POLN: variants seen among roughly 807,000 people sequenced by gnomAD.
POLN encodes the protein DNA polymerase N.
In POLN, 108 loss-of-function variants were observed where a neutral mutation model predicts 113.5. The ratio of observed to expected loss-of-function variants is 0.95; its 90% CI spans 0.81 to 1.12. The LOEUF (loss-of-function observed/expected upper bound fraction) is 1.12, where lower values mean the gene tolerates loss of function less well. Among genes scored for constraint, POLN ranks in the 50% most tolerant of loss-of-function variants. The pLI is 0.00. For synonymous variants in POLN, 386 were observed against 391.5 expected (o/e 0.99, Z 0.17); for missense variants, 1,097 against 1,077.1 (o/e 1.02, Z -0.26).
chr4:2,182,732 A>G (rs1733174166), intron 7 of POLN, among the ~76,000 whole-genome samples: 1 of 152,152 alleles, frequency 6.6e-6, no homozygotes, highest in Admixed American at 6.6e-5. Flanking sequence ...AAAAATGAGT[A>G]AATCTTTCTG....
intron 19 of POLN, among the ~76,000 whole-genome samples, chr4:2,109,334 T>C (rs975630110): frequency 6.6e-6 from 1 of 152,192 alleles, no homozygotes; most frequent in Non-Finnish European, 1.5e-5. Context: ...TGTTTAACAA[T>C]GCAGACAGCC....
At chr4:2,073,131 T>C in intron 24 of POLN, 102 bp from the exon 25 acceptor site, 14 of 1,110,218 alleles carry the variant, frequency 1.3e-5, no homozygotes, top group Non-Finnish European at 1.9e-5. Context: ...CCCCGGCCCC[T>C]GAGCCCCCTT....
intron 13 of POLN, among the ~76,000 whole-genome samples, chr4:2,166,369 T>TAGAA (rs1732728440): frequency 6.6e-6 from 1 of 152,228 alleles, no homozygotes; most frequent in Non-Finnish European, 1.5e-5. Context: ...CTTAGCGTTC[T>TAGAA]CTCTGGACCA....
chr4:2,193,345 T>G, intron 6 of POLN, 29 bp from the exon 7 acceptor site: 2 of 1,482,366 alleles, frequency 1.3e-6, no homozygotes, highest in Non-Finnish European at 1.8e-6. Context: ...TTCACTGATT[T>G]AAACATTAAT....
chr4:2,075,149 C>A (rs967396772), intron 24 of POLN, among the ~76,000 whole-genome samples: 1 of 152,218 alleles, frequency 6.6e-6, no homozygotes, highest in Admixed American at 6.5e-5. Context: ...AGGCCTTGGG[C>A]CTCAGACAAA....
At chr4:2,145,451 T>C (rs971626040) in intron 16 of POLN, among the ~76,000 whole-genome samples, 21 of 152,150 alleles carry the variant, frequency 1.4e-4, no homozygotes, top group Admixed American at 1.2e-3. Flanking sequence ...CTTTTACAAA[T>C]TAATAAGAAA....
chr4:2,174,448 TGGCCA>T (rs1357738922), intron 10 of POLN, among the ~76,000 whole-genome samples: 1 of 151,842 alleles, frequency 6.6e-6, no homozygotes, highest in Non-Finnish European at 1.5e-5. Context: ...TACTCCTCCT[TGGCCA>T]GGCAGCACAG....
At chr4:2,229,013 C>T (rs1734482434) in intron 3 of POLN, 86 bp downstream of exon 3, 2 of 1,349,664 alleles carry the variant, frequency 1.5e-6, no homozygotes, top group African/African-American at 1.5e-5. Context: ...CATCTGTCTA[C>T]ATGCATTCCA....
intron 3 of POLN, among the ~76,000 whole-genome samples, chr4:2,225,252 A>G (rs951966406): frequency 2.0e-5 from 3 of 152,202 alleles, no homozygotes; most frequent in African/African-American, 7.2e-5. Flanking sequence ...ATTTTATATT[A>G]AAACTATGTA....
At chr4:2,218,497 T>A (rs1280930839) in intron 3 of POLN, among the ~76,000 whole-genome samples, 1 of 151,920 alleles carries the variant, frequency 6.6e-6, no homozygotes, top group Non-Finnish European at 1.5e-5. Context: ...ATCCTACCTA[T>A]CCTCAGACCA....
At chr4:2,199,985 T>A (rs1376276303) in intron 5 of POLN, among the ~76,000 whole-genome samples, 1 of 152,146 alleles carries the variant, frequency 6.6e-6, no homozygotes, top group Non-Finnish European at 1.5e-5. Context: ...AAGACTTGCA[T>A]ACTACACTGA....
chr4:2,128,853 G>A (rs928205956), intron 18 of POLN, among the ~76,000 whole-genome samples: 3 of 152,042 alleles, frequency 2.0e-5, no homozygotes, highest in Non-Finnish European at 4.4e-5. Flanking sequence ...TCAGGAGTTC[G>A]AGACCAGCCC....
At chr4:2,114,916 G>T (rs1015608980) in intron 19 of POLN, among the ~76,000 whole-genome samples, 1 of 151,700 alleles carries the variant, frequency 6.6e-6, no homozygotes, top group Non-Finnish European at 1.5e-5. Context: ...GGATTCTTTG[G>T]GGGGAGGGCT....
chr4:2,103,819 A>G (rs1730985211), intron 19 of POLN, among the ~76,000 whole-genome samples: 1 of 152,246 alleles, frequency 6.6e-6, no homozygotes, highest in South Asian at 2.1e-4. Context: ...GTGCTGAAAG[A>G]AAAAGCAAAC....
chr4:2,077,319 G>A (rs1218701008), intron 23 of POLN, among the ~76,000 whole-genome samples: 1 of 152,234 alleles, frequency 6.6e-6, no homozygotes, highest in Non-Finnish European at 1.5e-5. Flanking sequence ...TCTGGAGTCT[G>A]AGCTGCTGTA....
intron 5 of POLN, among the ~76,000 whole-genome samples, chr4:2,206,755 T>C (rs1302123615): frequency 2.0e-5 from 3 of 152,192 alleles, no homozygotes; most frequent in African/African-American, 4.8e-5. Flanking sequence ...ATAATAGATA[T>C]TGGCATGGAT....
intron 20 of POLN, among the ~76,000 whole-genome samples, chr4:2,091,668 C>T (rs557280660): frequency 6.6e-6 from 1 of 152,270 alleles, no homozygotes; most frequent in South Asian, 2.1e-4. Context: ...ATGCTGGGGA[C>T]ACTAAGTACT....
intron 20 of POLN, chr4:2,090,003 T>C (rs1266732678): frequency 2.2e-6 from 2 of 923,154 alleles, no homozygotes; most frequent in South Asian, 3.0e-5. Flanking sequence ...GTCTGTCAAG[T>C]TTCTTTTTCC....
intron 6 of POLN, among the ~76,000 whole-genome samples, chr4:2,196,071 T>C (rs1733565531): frequency 6.6e-6 from 1 of 152,168 alleles, no homozygotes; most frequent in Non-Finnish European, 1.5e-5. Flanking sequence ...GTCAGGAGGA[T>C]ACCAGTTAAG....
Sources: allele counts gnomAD v4.1 joint callset (sites outside exome capture counted in the v4.1 genomes callset), GRCh38; gene constraint gnomAD v4.1.1; transcripts MANE v1.5; gene names NCBI Gene and HGNC (gene_info 2026-07-23, HGNC 2026-07-21).